SRPK2: variants seen among roughly 807,000 people sequenced by gnomAD.
SRPK2 encodes the protein SFRS protein kinase 2.
In SRPK2, 21 loss-of-function variants were observed where a neutral mutation model predicts 90.8. The ratio of observed to expected loss-of-function variants is 0.23; its 90% CI spans 0.16 to 0.33. SRPK2 has a LOEUF of 0.33. Among genes scored for constraint, SRPK2 ranks in the 10% least tolerant of loss-of-function variants. The probability of loss-of-function intolerance (pLI) is 1.00; values close to 1 mark genes in which losing one functional copy is unlikely to be tolerated. For missense variants in SRPK2, 620 were observed against 869.0 expected (o/e 0.71, Z 3.60); for synonymous variants, 288 against 311.1 (o/e 0.93, Z 0.78).
intron 11 of SRPK2, among the ~76,000 whole-genome samples, chr7:105,136,926 C>G (rs1265848990): frequency 6.6e-6 from 1 of 152,144 alleles, no homozygotes; most frequent in Non-Finnish European, 1.5e-5. Context: ...AATTAGGAAA[C>G]TCGTGTACTG....
At chr7:105,130,380 T>A (rs1397241774) in intron 13 of SRPK2, among the ~76,000 whole-genome samples, 2 of 152,008 alleles carry the variant, frequency 1.3e-5, no homozygotes, top group African/African-American at 4.8e-5. Flanking sequence ...ACAAACTCCA[T>A]CTCTACAAAA....
intron 13 of SRPK2, among the ~76,000 whole-genome samples, chr7:105,128,419 C>A (rs1271533740): frequency 2.0e-5 from 3 of 152,122 alleles, no homozygotes; most frequent in Non-Finnish European, 4.4e-5. Flanking sequence ...TCCTTTCCAC[C>A]CAATAAACAA....
chr7:105,229,118 C>A (rs1302343109), intron 2 of SRPK2, among the ~76,000 whole-genome samples: 1 of 152,136 alleles, frequency 6.6e-6, no homozygotes, highest in East Asian at 1.9e-4. Flanking sequence ...ACTCAACAGA[C>A]AAAGCACATA....
intron 2 of SRPK2, among the ~76,000 whole-genome samples, chr7:105,312,824 A>G (rs1480621366): frequency 2.0e-5 from 3 of 152,190 alleles, no homozygotes; most frequent in Non-Finnish European, 4.4e-5. Context: ...TTCTGTAGAA[A>G]TGAGGTCTCA....
At chr7:105,169,595 C>T (rs111404620) in intron 3 of SRPK2, among the ~76,000 whole-genome samples, 3,716 of 152,082 alleles carry the variant, frequency 0.024, 140 homozygotes, top group South Asian at 0.13. Context: ...GGCATGGTGG[C>T]GAGCACCTGT....
At chr7:105,268,739 A>C (rs1805431339) in intron 2 of SRPK2, 1 of 1,519,366 alleles carries the variant, frequency 6.6e-7, no homozygotes, top group Non-Finnish European at 9.0e-7. Flanking sequence ...AGAAAAAAAA[A>C]TATGTCCTGG....
chr7:105,123,668 G>C (rs189102735), intron 15 of SRPK2, among the ~76,000 whole-genome samples: 1 of 152,190 alleles, frequency 6.6e-6, no homozygotes, highest in East Asian at 1.9e-4. Flanking sequence ...CATCCTAAGA[G>C]ACAACGGTGA....
intron 2 of SRPK2, among the ~76,000 whole-genome samples, chr7:105,370,852 G>A (rs1050949157): frequency 2.0e-5 from 3 of 151,904 alleles, no homozygotes; most frequent in African/African-American, 7.2e-5. Flanking sequence ...CTGACCTCAG[G>A]CAATCCACCC....
At chr7:105,326,923 AG>A (rs1813656726) in intron 2 of SRPK2, among the ~76,000 whole-genome samples, 1 of 151,902 alleles carries the variant, frequency 6.6e-6, no homozygotes, top group Non-Finnish European at 1.5e-5. Context: ...ATTACCCAGG[AG>A]TGGTGGTGGG....
chr7:105,324,980 G>A (rs759157867), intron 2 of SRPK2, among the ~76,000 whole-genome samples: 3 of 152,134 alleles, frequency 2.0e-5, no homozygotes, highest in Non-Finnish European at 4.4e-5. Flanking sequence ...ATTGCAGAAG[G>A]TATATTAGAA....
intron 13 of SRPK2, among the ~76,000 whole-genome samples, chr7:105,129,923 T>A (rs1441459872): frequency 6.6e-6 from 1 of 152,208 alleles, no homozygotes; most frequent in African/African-American, 2.4e-5. Context: ...ATGGCTTTTC[T>A]TGTTTCTATG....
intron 2 of SRPK2, among the ~76,000 whole-genome samples, chr7:105,314,680 G>A (rs536352941): frequency 1.3e-5 from 2 of 152,270 alleles, no homozygotes; most frequent in South Asian, 4.1e-4. Context: ...CACCATGCCC[G>A]GCCCAAAACA....
chr7:105,138,932 G>A lies in SRPK2; in HGVS notation c.1543+3076C>T, dbSNP rs957202108. On this transcript the variant is annotated intron_variant, in intron 11 of 15. Transcript: ENST00000393651. ...TTAGGAGTGAAGTATCCTAATATGT[G>A]TAGCATGCAGTGTCTGTGTACACAA... Among the ~76,000 whole-genome samples, 47 of 152,346 alleles carry A rather than the reference G, an allele frequency of 3.1e-4. No homozygotes were observed. The Middle Eastern group carries it at 0.01, about 33-fold the overall frequency.
At chr7:105,378,392 AT>A (rs1360092891) in intron 2 of SRPK2, among the ~76,000 whole-genome samples, 2 of 151,986 alleles carry the variant, frequency 1.3e-5, no homozygotes, top group South Asian at 2.1e-4. Flanking sequence ...ACGACACAAT[AT>A]TTTTTTTAAA....
intron 2 of SRPK2, among the ~76,000 whole-genome samples, chr7:105,321,888 A>C (rs1812980596): frequency 6.6e-6 from 1 of 152,168 alleles, no homozygotes; most frequent in Non-Finnish European, 1.5e-5. Flanking sequence ...AAAACTGGAG[A>C]TTTCTCAAAA....
chr7:105,321,041 C>A (rs1812880343), intron 2 of SRPK2, among the ~76,000 whole-genome samples: 1 of 152,140 alleles, frequency 6.6e-6, no homozygotes, highest in African/African-American at 2.4e-5. Flanking sequence ...CTATGTTGTA[C>A]AGGCTCATCT....
At chr7:105,242,044 A>G (rs1246009463) in intron 2 of SRPK2, among the ~76,000 whole-genome samples, 1 of 152,244 alleles carries the variant, frequency 6.6e-6, no homozygotes, top group African/African-American at 2.4e-5. Context: ...AAATTTAAAT[A>G]TTCCCATTGT....
chr7:105,269,096 A>G (rs1805487168), intron 2 of SRPK2: 2 of 1,167,494 alleles, frequency 1.7e-6, no homozygotes, highest in Admixed American at 3.5e-5. Context: ...AGGAAGTACC[A>G]TTTCTTTAAA....
At chr7:105,165,663 T>G (rs977601074) in intron 6 of SRPK2, among the ~76,000 whole-genome samples, 1 of 152,128 alleles carries the variant, frequency 6.6e-6, no homozygotes, top group Non-Finnish European at 1.5e-5. Context: ...GGATTGTAAA[T>G]GCACCAATCA....
Sources: allele counts gnomAD v4.1 joint callset (sites outside exome capture counted in the v4.1 genomes callset), GRCh38; gene constraint gnomAD v4.1.1; transcripts MANE v1.5; gene names NCBI Gene and HGNC (gene_info 2026-07-23, HGNC 2026-07-21).